Variants in UBAC2 observed in about 807,000 individuals in gnomAD.
UBAC2 encodes the protein UBA domain containing 2, also known as ubiquitin-associated domain-containing protein 2.
A neutral mutation model predicts 44.0 loss-of-function variants in UBAC2; 26 were observed. The observed-to-expected ratio is 0.59, with a 90% CI of 0.43 to 0.82. The LOEUF is 0.82. Among genes scored for constraint, UBAC2 ranks in the 40% least tolerant of loss-of-function variants. The pLI, the probability that UBAC2 is intolerant of heterozygous loss-of-function variation, is 0.00. For synonymous variants in UBAC2, 155 were observed against 154.3 expected (o/e 1.00, Z -0.04); for missense variants, 329 against 419.4 (o/e 0.78, Z 1.88).
At chr13:99,283,611 G>A (rs1217534425) in intron 4 of UBAC2, among the ~76,000 whole-genome samples, 1 of 151,802 alleles carries the variant, frequency 6.6e-6, no homozygotes, top group African/African-American at 2.4e-5. Flanking sequence ...AGGGTCTGAG[G>A]ATTGAGTCAC....
intron 7 of UBAC2, among the ~76,000 whole-genome samples, chr13:99,349,656 G>A (rs1015530686): frequency 1.3e-5 from 2 of 152,190 alleles, no homozygotes; most frequent in East Asian, 1.9e-4. Flanking sequence ...GGCACCATAC[G>A]TCAGCGTTTT....
chr13:99,337,530 C>T (rs2044806891), intron 6 of UBAC2, among the ~76,000 whole-genome samples: 1 of 152,080 alleles, frequency 6.6e-6, no homozygotes, highest in African/African-American at 2.4e-5. Flanking sequence ...ATGTAAATTT[C>T]GTTTTAGCAT....
intron 6 of UBAC2, 34 bp from the exon 7 acceptor site, chr13:99,340,286 A>G (rs752223006): frequency 2.5e-6 from 4 of 1,608,568 alleles, no homozygotes; most frequent in Non-Finnish European, 3.4e-6. Context: ...ATAATACTAC[A>G]TTTAAACAAT....
chr13:99,283,883 T>G (rs1049066249), intron 4 of UBAC2, among the ~76,000 whole-genome samples: 2 of 152,048 alleles, frequency 1.3e-5, no homozygotes, highest in Admixed American at 6.5e-5. Context: ...TACAGGCGTG[T>G]GCCACCACGC....
At position 99,244,723 on chromosome 13, in the gene UBAC2, C is replaced by T. The variant is rs536398023; in HGVS notation, c.389+99C>T. ...AAAGTCAGTAAAATAATATTTTAAA[C>T]TTCTAGATATAGTTAAATTGATTTT... is the stretch of plus-strand genomic sequence containing the variant. On this transcript the variant is annotated intron_variant, in intron 4 of 8. Coordinates refer to ENST00000403766, the MANE Select transcript of UBAC2 (RefSeq NM_001144072.2). 64 of 680,490 alleles carry T rather than the reference C, an allele frequency of 9.4e-5. No homozygotes were observed. The African/African-American group carries it at 1.1e-3, about 12-fold the overall frequency. The allele number at this position is 680,490 out of a possible 1,614,324, so 42.2% of individuals were successfully genotyped here. A position where few individuals can be genotyped will look rare whatever the true frequency, so the allele number is the denominator to read the frequency against.
chr13:99,281,793 C>T (rs2064573050), intron 4 of UBAC2, among the ~76,000 whole-genome samples: 1 of 152,070 alleles, frequency 6.6e-6, no homozygotes, highest in African/African-American at 2.4e-5. Context: ...ATCAAAGTGG[C>T]GTGCAGAGGT....
At chr13:99,306,228 CA>C (rs1212403773) in intron 4 of UBAC2, among the ~76,000 whole-genome samples, 1 of 152,110 alleles carries the variant, frequency 6.6e-6, no homozygotes, top group Non-Finnish European at 1.5e-5. Context: ...ATATCCATAA[CA>C]TATCTGTTGG....
At chr13:99,374,510 T>C (rs1435084470) in intron 8 of UBAC2, among the ~76,000 whole-genome samples, 1 of 152,210 alleles carries the variant, frequency 6.6e-6, no homozygotes, top group Non-Finnish European at 1.5e-5. Context: ...GTAGAGAGAA[T>C]GGCTTTAAAC....
intron 2 of UBAC2, among the ~76,000 whole-genome samples, chr13:99,243,176 A>G (rs2043339851): frequency 6.6e-6 from 1 of 150,686 alleles, no homozygotes; most frequent in Non-Finnish European, 1.5e-5. Context: ...CATTGGGATT[A>G]TCTTTAAAAA....
intron 1 of UBAC2, among the ~76,000 whole-genome samples, chr13:99,213,638 G>A (rs2042959237): frequency 1.3e-5 from 2 of 152,030 alleles, no homozygotes; most frequent in African/African-American, 2.4e-5. Context: ...GGGATTACAG[G>A]CATTAGTCAC....
At chr13:99,364,720 C>T (rs2045308877) in intron 7 of UBAC2, among the ~76,000 whole-genome samples, 1 of 152,084 alleles carries the variant, frequency 6.6e-6, no homozygotes, top group African/African-American at 2.4e-5. Flanking sequence ...TACAAATGTA[C>T]TTTTTGTGTT....
chr13:99,255,802 G>A, intron 4 of UBAC2: 1 of 1,611,396 alleles, frequency 6.2e-7, no homozygotes, highest in Non-Finnish European at 8.5e-7. Context: ...GACAAGGGCT[G>A]CAATTTTGTA....
At chr13:99,215,263 A>G in intron 1 of UBAC2, 1 of 674,612 alleles carries the variant, frequency 1.5e-6, no homozygotes, top group Non-Finnish European at 2.7e-6. Context: ...TAGAATTACA[A>G]AAAGACAAAA....
At chr13:99,251,103 C>T (rs2043453358) in intron 4 of UBAC2, among the ~76,000 whole-genome samples, 1 of 151,964 alleles carries the variant, frequency 6.6e-6, no homozygotes, top group African/African-American at 2.4e-5. Context: ...AGATCTTTTA[C>T]CTTCGTGGTT....
rs186371445 is a variant in UBAC2 at position 99,303,286 on chromosome 13, A to G, written c.390-10811A>G. On this transcript the variant is annotated intron_variant, in intron 4 of 8. Transcript: ENST00000403766. The stretch of plus-strand genomic sequence containing the variant: ...TGTGCTTTATATGTGTCCTGAACCC[A>G]GTGGATGTGCAGCAAAGACCCACTT... Among the ~76,000 whole-genome samples, 605 of 152,360 alleles carry G rather than the reference A, an allele frequency of 4.0e-3. 6 individuals are homozygous for G. Among genetic ancestry groups the G allele is most frequent in the African/African-American group, 0.014 (571 of 41,588 alleles).
intron 7 of UBAC2, among the ~76,000 whole-genome samples, chr13:99,361,366 A>C (rs1414385510): frequency 6.6e-6 from 1 of 152,182 alleles, no homozygotes; most frequent in Non-Finnish European, 1.5e-5. Flanking sequence ...TTCATGTCAA[A>C]ACATCCTAGA....
intron 1 of UBAC2, 113 bp downstream of exon 1, chr13:99,201,052 C>T: frequency 1.5e-6 from 2 of 1,301,730 alleles, no homozygotes; most frequent in Non-Finnish European, 2.0e-6. Flanking sequence ...GTGGGGCCGA[C>T]CCTCCAGACC....
chr13:99,255,156 C>T (rs1285974671), intron 4 of UBAC2: 2 of 1,614,128 alleles, frequency 1.2e-6, no homozygotes, highest in Non-Finnish European at 1.7e-6. Flanking sequence ...CGAGCACCTG[C>T]ACCAGCAGCG....
At chr13:99,215,467 A>T (rs1255211017) in intron 1 of UBAC2, 14 of 1,395,562 alleles carry the variant, frequency 1.0e-5, no homozygotes, top group Non-Finnish European at 1.3e-5. Flanking sequence ...ATGAGAATCC[A>T]ATTCTTCATC....
Sources: gnomAD v4.1 joint callset for allele counts (sites outside exome capture counted in the v4.1 genomes callset) on GRCh38, gnomAD v4.1.1 for gene constraint, MANE v1.5 for transcripts, NCBI Gene and HGNC (gene_info 2026-07-23, HGNC 2026-07-21) for gene names.